Variants in CACNA1C observed in about 807,000 individuals in gnomAD.
CACNA1C encodes voltage-dependent L-type calcium channel subunit alpha-1C.
A neutral mutation model predicts 229.0 loss-of-function variants in CACNA1C; 30 were observed. That is an observed-to-expected ratio of 0.13 (90% CI 0.10 to 0.18). The LOEUF (loss-of-function observed/expected upper bound fraction) is 0.18. CACNA1C is among the 10% of genes least tolerant of loss of function. The pLI, the probability that CACNA1C is intolerant of heterozygous loss-of-function variation, is 1.00. For synonymous variants in CACNA1C, 1,114 were observed against 1,132.5 expected (o/e 0.98, Z 0.33); for missense variants, 1,658 against 2,845.0 (o/e 0.58, Z 9.49).
chr12:2,226,613 T>G (rs1356721238), intron 3 of CACNA1C, among the ~76,000 whole-genome samples: 1 of 152,218 alleles, frequency 6.6e-6, no homozygotes, highest in Non-Finnish European at 1.5e-5. Context: ...ACAGCATGCT[T>G]AAGACCTGGC....
At position 2,665,249 on chromosome 12, in the gene CACNA1C, G is replaced by A. The variant is rs896657446; in HGVS notation, c.4398+259G>A. ...TTGTCCCAGAGGACAACGGGGACAT[G>A]TGGGGGCCTAGAAAGAACTGTACTT... On this transcript the variant is annotated intron_variant, in intron 35 of 46. Transcript: ENST00000399655. This position sits in a 1 kb window ranked among gnomAD's most constrained non-coding sequence, Gnocchi z 5.9. 2.6e-5 allele frequency among the ~76,000 whole-genome samples: 4 copies of A among 152,230 alleles called. No homozygotes were observed. Among genetic ancestry groups the A allele is most frequent in the Non-Finnish European group, 5.9e-5 (4 of 68,046 alleles).
At chr12:2,187,948 T>G (rs1293936735) in intron 3 of CACNA1C, among the ~76,000 whole-genome samples, 1 of 152,202 alleles carries the variant, frequency 6.6e-6, no homozygotes, top group African/African-American at 2.4e-5. Flanking sequence ...CCTTGGCCCC[T>G]GCTGTGGTAT....
At chr12:2,561,087 G>A (rs954555033) in intron 11 of CACNA1C, among the ~76,000 whole-genome samples, 15 of 152,240 alleles carry the variant, frequency 9.9e-5, no homozygotes, top group South Asian at 2.1e-4. Flanking sequence ...CGTAGAGTTC[G>A]TCTCTGCTGC....
chr12:2,606,654 C>T lies in CACNA1C; in HGVS notation c.3200C>T (p.Ala1067Val), dbSNP rs750998195. 77 of 1,609,016 alleles carry T rather than the reference C, an allele frequency of 4.8e-5. 2 individuals are homozygous for T. Among genetic ancestry groups the T allele is most frequent in the South Asian group, 3.0e-4 (27 of 89,608 alleles). ...TCAGACAGTTCCAAGCAGACAGAGG[C>T]GGAATGCAAGTGAGTAGAGGTGGGA... ...TCSDSSKQTE[A>V]ECKGNYITYK... is the part of the protein sequence containing the mutation. Residue 1067 changes from alanine (A) to valine (V), a missense_variant, in exon 25 of 47, where the codon GCG becomes GTG. Around this residue, in one of 20 missense-constraint regions of CACNA1C, gnomAD observed 77 missense variants for 130.9 expected, o/e 0.59. Coordinates refer to ENST00000399655, the MANE Select transcript of CACNA1C (RefSeq NM_000719.7).
intron 1 of CACNA1C, among the ~76,000 whole-genome samples, chr12:2,026,821 T>G (rs2047407232): frequency 6.6e-6 from 1 of 152,224 alleles, no homozygotes; most frequent in Non-Finnish European, 1.5e-5. Context: ...TCAGTCTAGC[T>G]GGTGGTCAGA....
intron 3 of CACNA1C, chr12:2,220,585 T>C (rs2061210477): frequency 6.6e-6 from 1 of 152,246 alleles, no homozygotes; most frequent in Non-Finnish European, 1.5e-5. Flanking sequence ...AGCTGGAGCT[T>C]TGGGATCTGT....
In CACNA1C at chr12:2,608,597, T is replaced by C. The variant is rs2076318452; in HGVS notation, c.3443T>C (p.Ile1148Thr). 6.2e-7 allele frequency: 1 copy of C among 1,612,668 alleles called. No homozygotes were observed. The highest frequency in any genetic ancestry group is 8.5e-7 in the Non-Finnish European group (1 of 1,179,268). Residue 1148 changes from isoleucine (I) to threonine (T), a missense_variant, in exon 27 of 47, where the codon ATC becomes ACC. Ile to Thr is a moderately conservative substitution (Grantham distance 89, BLOSUM62 -1). Around this residue, in one of 20 missense-constraint regions of CACNA1C, gnomAD observed 77 missense variants for 130.9 expected, o/e 0.59. Transcript: ENST00000399655. The surrounding 1 kb of genome is among the most constrained non-coding windows in gnomAD (Gnocchi z 4.2). ...YRVEISIFFI[I>T]YIIIIAFFMM... The stretch of plus-strand genomic sequence containing the variant: ...GTGGAGATCTCCATCTTCTTCATCA[T>C]CTACATCATCATCATCGCCTTCTTC...
At chr12:2,424,963 A>G (rs915812314) in intron 3 of CACNA1C, among the ~76,000 whole-genome samples, 5 of 152,200 alleles carry the variant, frequency 3.3e-5, no homozygotes, top group African/African-American at 7.2e-5. Flanking sequence ...CGTGGGGCCC[A>G]CTGGACTCAC....
chr12:2,267,104 A>G (rs1025490966), intron 3 of CACNA1C, among the ~76,000 whole-genome samples: 2 of 152,156 alleles, frequency 1.3e-5, no homozygotes, highest in African/African-American at 4.8e-5. Flanking sequence ...CTGTGAGAGC[A>G]GGGGTTCTAC....
At position 2,488,752 on chromosome 12, in the gene CACNA1C, C is replaced by T. The variant is rs534557377; in HGVS notation, c.916+2490C>T. 3.9e-5 allele frequency among the ~76,000 whole-genome samples: 6 copies of T among 152,320 alleles called. No individual in the cohort carries two copies. In the East Asian group the frequency reaches 5.8e-4, roughly 15 times the overall value. On this transcript the variant is annotated intron_variant, in intron 6 of 46. Transcript: ENST00000399655. The surrounding 1 kb of genome is among the most constrained non-coding windows in gnomAD (Gnocchi z 4.0). ...CCATGAGAAGGTGGCCTCACTCATTCGCTGGAGTCAGAGTCCCTGCTGGGA... is the reference window on the plus strand; with the variant it reads ...CCATGAGAAGGTGGCCTCACTCATTTGCTGGAGTCAGAGTCCCTGCTGGGA...
At chr12:2,670,305 C>T (rs2096489497) in intron 38 of CACNA1C, among the ~76,000 whole-genome samples, 1 of 152,164 alleles carries the variant, frequency 6.6e-6, no homozygotes, top group Non-Finnish European at 1.5e-5. Context: ...GAGCCCCGGG[C>T]AGGTGGGAGG....
chr12:2,022,659 G>A (rs1043112312), intron 1 of CACNA1C, among the ~76,000 whole-genome samples: 10 of 151,834 alleles, frequency 6.6e-5, no homozygotes, highest in African/African-American at 2.2e-4. Context: ...TGTCCAGTCT[G>A]GTCTCAAACT....
chr12:2,001,087 T>C (rs1266846884), intron 1 of CACNA1C, among the ~76,000 whole-genome samples: 1 of 152,134 alleles, frequency 6.6e-6, no homozygotes, highest in Non-Finnish European at 1.5e-5. Flanking sequence ...TCAGATCTTT[T>C]GATGAAAAAA....
intron 14 of CACNA1C, among the ~76,000 whole-genome samples, chr12:2,582,530 G>T: frequency 6.6e-6 from 1 of 152,196 alleles, no homozygotes; most frequent in East Asian, 1.9e-4. Context: ...CTTACCCCCA[G>T]GAATGGCTGA....
At position 2,120,378 on chromosome 12, in the gene CACNA1C, C is replaced by T. The variant is rs1367490325; in HGVS notation, c.425C>T (p.Ala142Val). 2 of 1,611,594 alleles carry T rather than the reference C, an allele frequency of 1.2e-6. No homozygotes were observed. Among genetic ancestry groups the T allele is most frequent in the South Asian group, 1.1e-5 (1 of 91,038 alleles). The change falls in exon 3 of 47, where the codon GCG (alanine) becomes GTG (valine). Residue 142 changes from alanine (A) to valine (V), a missense_variant. By Grantham distance (64) the Ala-to-Val change is moderately conservative (BLOSUM62 0). This residue lies in a region of CACNA1C where 89 missense variants were observed against 177.8 expected (regional missense o/e 0.50). Transcript: ENST00000399655. The stretch of plus-strand genomic sequence containing the variant: ...ATTTTTGCCAATTGTGTGGCCTTAG[C>T]GATCTATATTCCCTTTCCAGAAGAT... ...LTIFANCVALAIYIPFPEDDS... is the reference protein window; with the variant it reads ...LTIFANCVALVIYIPFPEDDS...
chr12:2,564,071 G>A (rs1008741516), intron 11 of CACNA1C, among the ~76,000 whole-genome samples: 1 of 152,168 alleles, frequency 6.6e-6, no homozygotes, highest in African/African-American at 2.4e-5. Flanking sequence ...TAGAATGGAG[G>A]ACCTCATTTC....
intron 3 of CACNA1C, among the ~76,000 whole-genome samples, chr12:2,421,769 G>T (rs1371885276): frequency 6.6e-6 from 1 of 152,152 alleles, no homozygotes; most frequent in South Asian, 2.1e-4. Flanking sequence ...AAATTAGCTG[G>T]GTGTGGTGGT....
intron 3 of CACNA1C, among the ~76,000 whole-genome samples, chr12:2,355,751 T>C (rs2097343272): frequency 6.6e-6 from 1 of 152,172 alleles, no homozygotes; most frequent in Admixed American, 6.5e-5. Flanking sequence ...ACAGATTTGG[T>C]TTTCACAACT....
intron 4 of CACNA1C, among the ~76,000 whole-genome samples, chr12:2,453,528 A>G (rs1447710828): frequency 6.6e-6 from 1 of 152,160 alleles, no homozygotes; most frequent in African/African-American, 2.4e-5. Context: ...TATAAAGGAC[A>G]GAAATCACCC....
Sources: gnomAD v4.1 joint callset for allele counts (sites outside exome capture counted in the v4.1 genomes callset) on GRCh38, gnomAD v4.1.1 for gene constraint, gnomAD v4.1.1 regional missense constraint, Gnocchi (gnomAD v3.1) non-coding constraint, MANE v1.5 for transcripts, NCBI Gene and HGNC (gene_info 2026-07-23, HGNC 2026-07-21) for gene names.